Variants in GMDS observed in about 807,000 individuals in gnomAD.
GMDS encodes GDP-mannose 4,6 dehydratase.
A neutral mutation model predicts 49.9 loss-of-function variants in GMDS; 20 were observed. The observed-to-expected ratio is 0.40, with a 90% CI of 0.28 to 0.58. The LOEUF is 0.58. GMDS is among the 20% of genes least tolerant of loss of function. GMDS has a pLI of 0.42. For missense variants in GMDS, 362 were observed against 481.4 expected (o/e 0.75, Z 2.32); for synonymous variants, 177 against 178.6 (o/e 0.99, Z 0.07).
chr6:1,883,527 C>T (rs1170581686), intron 7 of GMDS, among the ~76,000 whole-genome samples: 1 of 151,652 alleles, frequency 6.6e-6, no homozygotes, highest in Non-Finnish European at 1.5e-5. Flanking sequence ...TAAAAAGAAC[C>T]TTCCACATAT....
intron 4 of GMDS, among the ~76,000 whole-genome samples, chr6:2,103,769 G>A (rs1343342058): frequency 6.6e-6 from 1 of 152,148 alleles, no homozygotes; most frequent in African/African-American, 2.4e-5. Context: ...GTCCTCGGAA[G>A]CACACACATA....
chr6:2,142,764 T>C (rs1328331518), intron 1 of GMDS, among the ~76,000 whole-genome samples: 4 of 152,070 alleles, frequency 2.6e-5, no homozygotes, highest in South Asian at 2.1e-4. Flanking sequence ...TCAGGCAAGG[T>C]GGCCGGGCAA....
At chr6:2,190,807 C>T (rs565541935) in intron 1 of GMDS, among the ~76,000 whole-genome samples, 2 of 152,118 alleles carry the variant, frequency 1.3e-5, no homozygotes, top group African/African-American at 2.4e-5. Context: ...TGGGTGGTGG[C>T]GGGAGGCGGC....
chr6:2,182,515 G>T (rs1374330586), intron 1 of GMDS, among the ~76,000 whole-genome samples: 2 of 152,172 alleles, frequency 1.3e-5, no homozygotes, highest in African/African-American at 4.8e-5. Context: ...TCTCTTGTTT[G>T]GGACTAATCA....
chr6:2,006,871 A>G (rs2127388942), intron 4 of GMDS, among the ~76,000 whole-genome samples: 1 of 152,358 alleles, frequency 6.6e-6, no homozygotes, highest in South Asian at 2.1e-4. Context: ...AATTATTTGC[A>G]GGACACACGG....
At chr6:1,846,245 G>A (rs767358656) in intron 7 of GMDS, among the ~76,000 whole-genome samples, 4 of 151,844 alleles carry the variant, frequency 2.6e-5, no homozygotes, top group African/African-American at 9.7e-5. Flanking sequence ...GGTGTGTGCC[G>A]CCATGTCCAG....
chr6:2,127,737 G>A (rs1014551260), intron 1 of GMDS, among the ~76,000 whole-genome samples: 1 of 152,202 alleles, frequency 6.6e-6, no homozygotes, highest in Non-Finnish European at 1.5e-5. Flanking sequence ...CTTTCCCCAG[G>A]CCCCTGGGGG....
chr6:2,039,239 T>C (rs1365786466), intron 4 of GMDS, among the ~76,000 whole-genome samples: 4 of 152,144 alleles, frequency 2.6e-5, no homozygotes, highest in Non-Finnish European at 5.9e-5. Context: ...GTACTTCCCA[T>C]GAATGGAGCT....
chr6:1,644,195 C>G (rs557780386), intron 9 of GMDS, among the ~76,000 whole-genome samples: 3 of 152,244 alleles, frequency 2.0e-5, no homozygotes, highest in East Asian at 1.9e-4. Flanking sequence ...CAGGGACCCA[C>G]GCGGGGAGGG....
intron 1 of GMDS, among the ~76,000 whole-genome samples, chr6:2,166,806 T>A (rs1360450007): frequency 6.6e-6 from 1 of 152,134 alleles, no homozygotes; most frequent in African/African-American, 2.4e-5. Flanking sequence ...TTCTCCCAGT[T>A]CCTCCAAGAG....
chr6:1,708,074 C>T (rs1216731184), intron 9 of GMDS, among the ~76,000 whole-genome samples: 3 of 152,156 alleles, frequency 2.0e-5, no homozygotes, highest in Non-Finnish European at 2.9e-5. Context: ...ACAAATACAG[C>T]ACTCATCCGA....
At chr6:2,136,034 C>T (rs1052468520) in intron 1 of GMDS, among the ~76,000 whole-genome samples, 2 of 152,124 alleles carry the variant, frequency 1.3e-5, no homozygotes, top group African/African-American at 4.8e-5. Flanking sequence ...TAGGTTGCAA[C>T]CTGTACAGCA....
intron 9 of GMDS, among the ~76,000 whole-genome samples, chr6:1,665,951 C>T (rs547444566): frequency 6.6e-6 from 1 of 152,292 alleles, no homozygotes; most frequent in East Asian, 1.9e-4. Context: ...AATACATAGA[C>T]TATTTCCTTC....
In GMDS at chr6:2,245,305, C is replaced by A; in HGVS notation, c.102+16G>T. The A allele has an allele frequency of 6.6e-7, 1 of 1,506,364 alleles. No individual in the cohort carries two copies. The highest frequency in any genetic ancestry group is 8.9e-7 in the Non-Finnish European group (1 of 1,118,518). 93.3% of individuals were successfully genotyped at this position (1,506,364 alleles called of 1,614,324 possible). A position where few individuals can be genotyped will look rare whatever the true frequency, so the allele number is the denominator to read the frequency against. ...CCAGGCTGCCTCGGCCGGCGCGCCC[C>A]CGCCCCCGCACTCACCTGGCCTGTG... On this transcript the variant is annotated intron_variant, in intron 1 of 10. Coordinates refer to ENST00000380815, the MANE Select transcript of GMDS (RefSeq NM_001500.4).
At chr6:1,669,752 A>C (rs561168096) in intron 9 of GMDS, among the ~76,000 whole-genome samples, 1 of 151,966 alleles carries the variant, frequency 6.6e-6, no homozygotes, top group South Asian at 2.1e-4. Context: ...ATCTCTACTA[A>C]AAATACAAAA....
intron 9 of GMDS, among the ~76,000 whole-genome samples, chr6:1,715,661 A>T (rs1766149978): frequency 6.6e-6 from 1 of 152,236 alleles, no homozygotes; most frequent in Admixed American, 6.5e-5. Context: ...GTTATGTTGT[A>T]GCAGGAAAAA....
At chr6:2,196,308 T>C (rs188181602) in intron 1 of GMDS, among the ~76,000 whole-genome samples, 12 of 152,360 alleles carry the variant, frequency 7.9e-5, no homozygotes, top group Non-Finnish European at 1.6e-4. Flanking sequence ...CCTAGTGCTA[T>C]GCACACAACC....
intron 4 of GMDS, among the ~76,000 whole-genome samples, chr6:2,065,851 G>A (rs192468262): frequency 0.014 from 2,103 of 152,268 alleles, 49 homozygotes; most frequent in South Asian, 0.12. Context: ...CACTCTGCAG[G>A]ATATTATCCA....
At chr6:1,957,537 G>C (rs1763709016) in intron 6 of GMDS, among the ~76,000 whole-genome samples, 1 of 152,154 alleles carries the variant, frequency 6.6e-6, no homozygotes. Context: ...TGGTACCACT[G>C]ATTTCCAGGC....
Sources: allele counts gnomAD v4.1 joint callset (sites outside exome capture counted in the v4.1 genomes callset), GRCh38; gene constraint gnomAD v4.1.1; transcripts MANE v1.5; gene names NCBI Gene and HGNC (gene_info 2026-07-23, HGNC 2026-07-21).